Variants in TENM1 observed in about 807,000 individuals in gnomAD.
TENM1 encodes teneurin-1.
In TENM1, 35 loss-of-function variants were observed where a neutral mutation model predicts 174.8. That is an observed-to-expected ratio of 0.20 (90% CI 0.15 to 0.27). TENM1 has a LOEUF of 0.27. Among genes scored for constraint, TENM1 ranks in the 10% least tolerant of loss-of-function variants. The pLI is 1.00. For synonymous variants in TENM1, 781 were observed against 798.7 expected, an observed-to-expected ratio of 0.98 and a Z score of 0.37; for missense variants, 1,633 against 2,130.1, an observed-to-expected ratio of 0.77 and a Z score of 4.59.
the TENM1 span, among the ~76,000 whole-genome samples, chrX:125,186,268 G>A: frequency 1.8e-5 from 2 of 112,015 alleles, no homozygotes; most frequent in African/African-American, 6.5e-5. Context: ...ACTCACATAT[G>A]TGGTTAGTGG....
At chrX:124,992,393 T>G in the TENM1 span, among the ~76,000 whole-genome samples, 9 of 111,058 alleles carry the variant, frequency 8.1e-5, no homozygotes, top group South Asian at 3.8e-4. Context: ...AGCAGCCTCA[T>G]AAGCAAAAGC....
chrX:125,116,032 G>A, the TENM1 span, among the ~76,000 whole-genome samples: 2 of 111,646 alleles, frequency 1.8e-5, no homozygotes, highest in Admixed American at 1.9e-4. Context: ...GCATGGTAGT[G>A]GTACCAAAAC....
intron 1 of TENM1, among the ~76,000 whole-genome samples, chrX:124,931,614 C>T (rs1431639895): frequency 9.0e-6 from 1 of 111,518 alleles, no homozygotes; most frequent in East Asian, 2.8e-4. Context: ...AGAGTAACCA[C>T]ATAAGATTTC....
intron 3 of TENM1, among the ~76,000 whole-genome samples, chrX:124,841,234 T>C (rs2056491802): frequency 8.9e-6 from 1 of 111,854 alleles, no homozygotes; most frequent in African/African-American, 3.2e-5. Flanking sequence ...CATGCCTTTC[T>C]CCTTCAGTGG....
rs758102603 is a variant in TENM1 at position 124,740,438 on chromosome X, T to C, written c.536-3241A>G. On this transcript the variant is annotated intron_variant, in intron 3 of 31. Transcript: ENST00000422452. ...TTGAAAAGTGCAATCATAGTATTAT[T>C]ATTTCTGTTGCAGGTAGAATGGCTT... 3.9e-3 allele frequency among the ~76,000 whole-genome samples: 439 copies of C among 111,469 alleles called. 1 individual carries two copies. Among genetic ancestry groups the C allele is most frequent in the African/African-American group, 0.013 (411 of 30,520 alleles).
intron 11 of TENM1, among the ~76,000 whole-genome samples, chrX:124,617,277 C>CTAAT (rs1346289027): frequency 8.9e-6 from 1 of 111,953 alleles, no homozygotes; most frequent in Non-Finnish European, 1.9e-5. Flanking sequence ...AAATGGATTT[C>CTAAT]TAATTGTCCC....
At chrX:125,117,189 C>T in the TENM1 span, among the ~76,000 whole-genome samples, 1 of 111,368 alleles carries the variant, frequency 9.0e-6, no homozygotes, top group African/African-American at 3.3e-5. Context: ...AATCCCATTA[C>T]TGGGTATACA....
chrX:125,133,471 A>G, the TENM1 span, among the ~76,000 whole-genome samples: 2 of 111,345 alleles, frequency 1.8e-5, no homozygotes, highest in African/African-American at 3.3e-5. Context: ...AAGGTTACAA[A>G]CGATACTCTC....
At chrX:124,738,220 C>T (rs1312210492) in intron 3 of TENM1, among the ~76,000 whole-genome samples, 1 of 111,601 alleles carries the variant, frequency 9.0e-6, no homozygotes, top group African/African-American at 3.3e-5. Flanking sequence ...CTTGTCCCAC[C>T]TCCCAAATGA....
intron 27 of TENM1, among the ~76,000 whole-genome samples, chrX:124,402,053 T>C (rs1409665354): frequency 3.6e-5 from 4 of 111,915 alleles, no homozygotes; most frequent in Non-Finnish European, 7.5e-5. Flanking sequence ...GTAGAAAGAG[T>C]GCCATGCTAG....
chrX:124,544,374 T>C (rs2048385664), intron 15 of TENM1, among the ~76,000 whole-genome samples: 2 of 112,348 alleles, frequency 1.8e-5, no homozygotes, highest in Admixed American at 1.9e-4. Context: ...AGTCATTTAC[T>C]GGGCATCTCT....
the TENM1 span, among the ~76,000 whole-genome samples, chrX:125,100,019 T>C: frequency 9.0e-6 from 1 of 111,575 alleles, no homozygotes; most frequent in Non-Finnish European, 1.9e-5. Flanking sequence ...TCAGTTCAAC[T>C]TGGGTAACAA....
chrX:124,753,049 A>T (rs1243910800), intron 3 of TENM1, among the ~76,000 whole-genome samples: 2 of 110,380 alleles, frequency 1.8e-5, no homozygotes, highest in African/African-American at 6.6e-5. Context: ...CTTGATGGGG[A>T]TGGCATTGAA....
At chrX:125,147,614 G>C in the TENM1 span, among the ~76,000 whole-genome samples, 2 of 110,900 alleles carry the variant, frequency 1.8e-5, no homozygotes, top group African/African-American at 6.6e-5. Flanking sequence ...TGAGTTGCTA[G>C]TCCATCAGTG....
intron 4 of TENM1, among the ~76,000 whole-genome samples, chrX:124,711,187 G>C (rs1269569796): frequency 9.0e-6 from 1 of 110,857 alleles, no homozygotes; most frequent in East Asian, 2.8e-4. Context: ...AAAGGAAATG[G>C]GCATATAAAG....
intron 1 of TENM1, among the ~76,000 whole-genome samples, chrX:124,942,393 G>C (rs1325378520): frequency 8.9e-6 from 1 of 111,791 alleles, no homozygotes; most frequent in East Asian, 2.8e-4. Flanking sequence ...CCACTGGAGA[G>C]GAATGTGCTT....
intron 1 of TENM1, among the ~76,000 whole-genome samples, chrX:124,911,471 A>G (rs1484325781): frequency 8.9e-6 from 1 of 111,855 alleles, no homozygotes; most frequent in Non-Finnish European, 1.9e-5. Flanking sequence ...GAGTCTAAGC[A>G]AAGTGAGGGA....
chrX:125,158,883 T>A, the TENM1 span, among the ~76,000 whole-genome samples: 1 of 110,573 alleles, frequency 9.0e-6, no homozygotes, highest in Non-Finnish European at 1.9e-5. Context: ...AACATAATAT[T>A]GACAATGAAG....
At chrX:124,538,007 G>T (rs969790648) in intron 15 of TENM1, among the ~76,000 whole-genome samples, 1 of 111,854 alleles carries the variant, frequency 8.9e-6, no homozygotes, top group Non-Finnish European at 1.9e-5. Context: ...TCTGTGTTCT[G>T]ATTTTTCATT....
Sources: allele counts gnomAD v4.1 joint callset (sites outside exome capture counted in the v4.1 genomes callset), GRCh38; gene constraint gnomAD v4.1.1; transcripts MANE v1.5; gene names NCBI Gene and HGNC (gene_info 2026-07-23, HGNC 2026-07-21).